The following IGSF5 variants were observed in gnomAD, a reference collection of about 807,000 sequenced individuals.
The protein encoded by IGSF5 is immunoglobulin superfamily member 5, also known as immunoglobulin superfamily 5 like.
IGSF5 carries 41 observed loss-of-function variants against 39.4 expected under a neutral mutation model. The observed-to-expected ratio is 1.04, with a 90% CI of 0.81 to 1.35. IGSF5 has a LOEUF of 1.35. Ranked by LOEUF, IGSF5 falls within the 40% of genes most tolerant of loss-of-function variation. IGSF5 has a pLI of 0.00. For synonymous variants in IGSF5, 183 were observed against 175.3 expected (o/e 1.04, Z -0.34); for missense variants, 487 against 494.6 (o/e 0.98, Z 0.15).
At chr21:39,766,174 T>G (rs1352628096) in intron 3 of IGSF5, among the ~76,000 whole-genome samples, 1 of 152,212 alleles carries the variant, frequency 6.6e-6, no homozygotes, top group East Asian at 1.9e-4. Context: ...CCCTTCTTCC[T>G]CACTTCCTCC....
chr21:39,739,611 G>T, the IGSF5 span, among the ~76,000 whole-genome samples: 1 of 152,078 alleles, frequency 6.6e-6, no homozygotes, highest in African/African-American at 2.4e-5. Flanking sequence ...TCTCTCAACA[G>T]GAAAACCCAA....
chr21:39,795,266 G>A (rs1275775250), intron 8 of IGSF5, among the ~76,000 whole-genome samples: 4 of 152,122 alleles, frequency 2.6e-5, no homozygotes, highest in Non-Finnish European at 5.9e-5. Context: ...CCTTTAGAAG[G>A]ACCAGTCTCT....
intron 6 of IGSF5, among the ~76,000 whole-genome samples, chr21:39,789,908 A>T (rs1015639557): frequency 8.5e-5 from 13 of 152,204 alleles, no homozygotes; most frequent in Admixed American, 8.5e-4. Context: ...ACTTGCCCAC[A>T]GCATTTTTGT....
In IGSF5 at chr21:39,765,638, C is replaced by T. The variant is rs1445914856; in HGVS notation, c.204C>T (p.Leu68=). The part of the protein sequence containing the change: ...FNCTVSQGWK[L]IMWALSDMVV... ...GCACCGTCTCCCAGGGCTGGAAGCTCATCATGTGGGCTCTCAGTGACATGG... is the reference window on the plus strand; with the variant it reads ...GCACCGTCTCCCAGGGCTGGAAGCTTATCATGTGGGCTCTCAGTGACATGG... Residue 68 remains leucine (L), a synonymous_variant, in exon 3 of 9, where the codon CTC becomes CTT. Coordinates refer to ENST00000380588, the MANE Select transcript of IGSF5 (RefSeq NM_001080444.2). 2.5e-6 allele frequency: 4 copies of T among 1,614,134 alleles called. No homozygotes were observed. Among genetic ancestry groups the T allele is most frequent in the Non-Finnish European group, 2.5e-6 (3 of 1,180,020 alleles).
intron 8 of IGSF5, among the ~76,000 whole-genome samples, chr21:39,798,797 A>C (rs985082954): frequency 6.6e-6 from 1 of 152,236 alleles, no homozygotes; most frequent in African/African-American, 2.4e-5. Context: ...CAGCATGCCA[A>C]AGGCACACAC....
At chr21:39,772,172 C>G (rs1002942365) in intron 4 of IGSF5, among the ~76,000 whole-genome samples, 2 of 152,320 alleles carry the variant, frequency 1.3e-5, no homozygotes, top group African/African-American at 2.4e-5. Context: ...ACAGAATTAA[C>G]CGGCCCTACA....
chr21:39,769,977 T>C (rs1445433462), intron 3 of IGSF5, among the ~76,000 whole-genome samples: 1 of 152,168 alleles, frequency 6.6e-6, no homozygotes, highest in Non-Finnish European at 1.5e-5. Flanking sequence ...ATTCAGTAAG[T>C]ACAACAAAGA....
At chr21:39,787,475 C>T (rs755922368) in intron 5 of IGSF5, among the ~76,000 whole-genome samples, 1 of 151,868 alleles carries the variant, frequency 6.6e-6, no homozygotes, top group Non-Finnish European at 1.5e-5. Flanking sequence ...CTTTTTACTC[C>T]CCACCTTCAA....
intron 8 of IGSF5, among the ~76,000 whole-genome samples, chr21:39,794,911 GTAACC>G (rs1402832493): frequency 6.6e-6 from 1 of 152,166 alleles, no homozygotes; most frequent in Non-Finnish European, 1.5e-5. Flanking sequence ...ATTCAGCTCA[GTAACC>G]TACATCTTGC....
In IGSF5 at chr21:39,771,172, C is replaced by T; in HGVS notation, c.675C>T (p.Arg225=). 1.9e-6 allele frequency: 3 copies of T among 1,599,976 alleles called. No individual in the cohort carries two copies. The highest frequency in any genetic ancestry group is 2.6e-6 in the Non-Finnish European group (3 of 1,171,484). ...CVATWKSLKA[R]KSATVNLTVI... is the part of the protein sequence containing the mutation. ...CTACCTGGAAGAGCCTGAAGGCCCG[C>T]AAGTCTGCAACTGTAAATCTCACTG... The change falls in exon 4 of 9, where the codon CGC becomes CGT. Residue 225 remains arginine, a synonymous_variant. Transcript: ENST00000380588.
At chr21:39,738,891 CT>C in the IGSF5 span, among the ~76,000 whole-genome samples, 16,114 of 150,704 alleles carry the variant, frequency 0.11, 973 homozygotes, top group African/African-American at 0.15. The surrounding 1 kb of genome is among the most constrained non-coding windows in gnomAD (Gnocchi z 6.4). Flanking sequence ...AGGGCAGAAG[CT>C]TTTTTTTTGT....
At chr21:39,762,532 C>A (rs2080066303) in intron 2 of IGSF5, among the ~76,000 whole-genome samples, 1 of 152,046 alleles carries the variant, frequency 6.6e-6, no homozygotes, top group Non-Finnish European at 1.5e-5. Context: ...GTTGCAGGCA[C>A]AGAGAGAATA....
chr21:39,728,707 G>A, the IGSF5 span, among the ~76,000 whole-genome samples: 3 of 152,152 alleles, frequency 2.0e-5, no homozygotes. Context: ...TAACCTCTAC[G>A]CTGTGCAAAG....
chr21:39,714,315 G>C, the IGSF5 span, among the ~76,000 whole-genome samples: 1 of 152,172 alleles, frequency 6.6e-6, no homozygotes, highest in African/African-American at 2.4e-5. Context: ...GGAATCCATT[G>C]GCCTTGCTTC....
rs375343700 is a variant in IGSF5, at chr21:39,773,909, A to G, written c.718+2694A>G. 5.8e-4 allele frequency among the ~76,000 whole-genome samples: 88 copies of G among 152,180 alleles called. No homozygotes were observed. In the South Asian group the frequency reaches 0.018, roughly 30 times the overall value. On this transcript the variant is annotated intron_variant, in intron 4 of 8. Transcript: ENST00000380588. ...CTGATTGATGGTACCTTAGAGAGAT[A>G]GATTTTAGAGACTGGCTTGCTTGCA...
At chr21:39,734,437 A>AAACAC in the IGSF5 span, among the ~76,000 whole-genome samples, 1 of 59,504 alleles carries the variant, frequency 1.7e-5, no homozygotes, top group Non-Finnish European at 3.4e-5. Context: ...AAAAAAAAAA[A>AAACAC]ATACACACAC....
At chr21:39,745,904 A>G (rs1436219409) in intron 1 of IGSF5, among the ~76,000 whole-genome samples, 26 of 152,092 alleles carry the variant, frequency 1.7e-4, no homozygotes, top group Admixed American at 1.7e-3. Flanking sequence ...CGTGGTTGCC[A>G]AAATGTTACG....
the IGSF5 span, among the ~76,000 whole-genome samples, chr21:39,721,928 T>C: frequency 1.3e-5 from 2 of 152,192 alleles, no homozygotes; most frequent in Non-Finnish European, 2.9e-5. Context: ...CTTTGTAAAT[T>C]GCCAGGTAGT....
At chr21:39,716,037 T>C in the IGSF5 span, among the ~76,000 whole-genome samples, 3 of 152,220 alleles carry the variant, frequency 2.0e-5, no homozygotes, top group Non-Finnish European at 2.9e-5. Flanking sequence ...CTGATAATTG[T>C]AGGAACCTGG....
Sources: allele counts gnomAD v4.1 joint callset (sites outside exome capture counted in the v4.1 genomes callset), GRCh38; gene constraint gnomAD v4.1.1; non-coding constraint Gnocchi (gnomAD v3.1); transcripts MANE v1.5; gene names NCBI Gene and HGNC (gene_info 2026-07-23, HGNC 2026-07-21).